The following KSR2 variants were observed in gnomAD, a reference collection of about 807,000 sequenced individuals.
The protein encoded by KSR2 is kinase suppressor of ras 2.
KSR2 carries 25 observed loss-of-function variants against 107.8 expected under a neutral mutation model. The observed-to-expected ratio is 0.23, with a 90% CI of 0.17 to 0.32. The LOEUF is 0.32. KSR2 is among the 10% of genes least tolerant of loss of function. KSR2 has a pLI of 1.00. For synonymous variants in KSR2, 480 were observed against 507.0 expected, an observed-to-expected ratio of 0.95 and a Z score of 0.71; for missense variants, 887 against 1,268.9, an observed-to-expected ratio of 0.70 and a Z score of 4.57.
intron 1 of KSR2, among the ~76,000 whole-genome samples, chr12:117,959,219 C>T (rs1896595617): frequency 6.6e-6 from 1 of 152,174 alleles, no homozygotes; most frequent in African/African-American, 2.4e-5. Context: ...CTCAGAGCTC[C>T]AAGCTCACAC....
intron 5 of KSR2, among the ~76,000 whole-genome samples, chr12:117,623,171 A>T (rs1381372383): frequency 6.6e-6 from 1 of 152,248 alleles, no homozygotes; most frequent in Non-Finnish European, 1.5e-5. Flanking sequence ...TCAGAGGTGA[A>T]TACCAGTTAA....
At chr12:117,868,811 C>T (rs1415605906) in intron 1 of KSR2, among the ~76,000 whole-genome samples, 9 of 151,830 alleles carry the variant, frequency 5.9e-5, no homozygotes, top group South Asian at 4.2e-4. Flanking sequence ...ACTGCAGTAG[C>T]GTGATCTCAG....
chr12:117,843,869 G>A (rs564372636), intron 3 of KSR2, among the ~76,000 whole-genome samples: 7 of 151,192 alleles, frequency 4.6e-5, no homozygotes, highest in African/African-American at 9.7e-5. Context: ...CCCTGAAACC[G>A]CAGGCTGCCT....
chr12:117,654,849 G>A (rs539935708), intron 5 of KSR2, among the ~76,000 whole-genome samples: 65 of 152,252 alleles, frequency 4.3e-4, no homozygotes, highest in African/African-American at 1.5e-3. Context: ...CTCTGTGGAC[G>A]CCACTCAGCC....
chr12:117,794,962 G>A (rs993085425), intron 3 of KSR2, among the ~76,000 whole-genome samples: 6 of 152,192 alleles, frequency 3.9e-5, no homozygotes, highest in African/African-American at 1.4e-4. Context: ...AGAGAACACT[G>A]CTAATGGTTT....
intron 5 of KSR2, among the ~76,000 whole-genome samples, chr12:117,590,093 G>T (rs1332368797): frequency 6.6e-6 from 1 of 152,234 alleles, no homozygotes. Flanking sequence ...TTTCAGAGAA[G>T]TTTCCTGGGG....
rs760977280 is a variant in KSR2 at position 117,898,239 on chromosome 12, CTCTGGTTTGAGAAGAGA to C, written c.181-37825_181-37809del. 2.0e-3 allele frequency among the ~76,000 whole-genome samples: 302 copies of C among 152,232 alleles called. 2 individuals carry two copies. The highest frequency in any genetic ancestry group is 2.9e-3 in the Non-Finnish European group (200 of 68,032). The stretch of plus-strand genomic sequence containing the variant: ...TAAATGCAATCACATTTCAAAAGCC[CTCTGGTTTGAGAAGAGA>C]TCAGTGAAGCATTTTGTCTTCCACT... On this transcript the variant is annotated intron_variant, in intron 1 of 19. Transcript: ENST00000339824.
At chr12:117,652,232 C>T (rs1362055861) in intron 5 of KSR2, among the ~76,000 whole-genome samples, 1 of 152,080 alleles carries the variant, frequency 6.6e-6, no homozygotes, top group Non-Finnish European at 1.5e-5. Context: ...GTGATATGTG[C>T]ATCAAAATCT....
At chr12:117,656,425 C>A (rs1176009749) in intron 5 of KSR2, among the ~76,000 whole-genome samples, 1 of 152,132 alleles carries the variant, frequency 6.6e-6, no homozygotes, top group Non-Finnish European at 1.5e-5. Flanking sequence ...GCCTGACCAA[C>A]ATGGAGAAAC....
chr12:117,880,986 T>TA (rs1894009388), intron 1 of KSR2, among the ~76,000 whole-genome samples: 2 of 151,450 alleles, frequency 1.3e-5, no homozygotes. Context: ...TTTTTTTTTT[T>TA]ATGGCAGAGT....
chr12:117,720,934 G>A (rs1251553665), intron 4 of KSR2, among the ~76,000 whole-genome samples: 2 of 152,218 alleles, frequency 1.3e-5, no homozygotes, highest in Non-Finnish European at 2.9e-5. Context: ...CTGGAAAGAG[G>A]AGAGTTGTGT....
intron 5 of KSR2, among the ~76,000 whole-genome samples, chr12:117,595,351 C>T (rs1162528538): frequency 7.3e-4 from 69 of 94,574 alleles, no homozygotes; most frequent in South Asian, 1.2e-3. Flanking sequence ...AGATCAAATT[C>T]TTTTTTTTTT....
intron 5 of KSR2, among the ~76,000 whole-genome samples, chr12:117,631,038 C>G (rs549944006): frequency 2.6e-5 from 4 of 152,134 alleles, no homozygotes; most frequent in African/African-American, 9.7e-5. Flanking sequence ...GTTGAGTAAG[C>G]CAGGCGTGCT....
intron 7 of KSR2, among the ~76,000 whole-genome samples, chr12:117,560,430 GGGA>G (rs1396001242): frequency 6.6e-6 from 1 of 151,850 alleles, no homozygotes; most frequent in Non-Finnish European, 1.5e-5. Context: ...GGAGCAAGGA[GGGA>G]CATAGGAAAT....
At chr12:117,780,618 G>A (rs1456089562) in intron 3 of KSR2, among the ~76,000 whole-genome samples, 1 of 152,116 alleles carries the variant, frequency 6.6e-6, no homozygotes, top group Non-Finnish European at 1.5e-5. Context: ...GATGGATGGT[G>A]GTGATGATTA....
chr12:117,600,095 C>G (rs1880854969), intron 5 of KSR2, among the ~76,000 whole-genome samples: 1 of 152,154 alleles, frequency 6.6e-6, no homozygotes, highest in African/African-American at 2.4e-5. Context: ...AGTGACTCAG[C>G]CTTGTACCTA....
intron 4 of KSR2, among the ~76,000 whole-genome samples, chr12:117,676,318 T>C (rs150153967): frequency 6.2e-4 from 94 of 152,356 alleles, no homozygotes; most frequent in African/African-American, 2.2e-3. Flanking sequence ...TAGCACAAGC[T>C]GCATTTCCCC....
intron 3 of KSR2, among the ~76,000 whole-genome samples, chr12:117,849,203 C>G (rs567303633): frequency 6.6e-6 from 1 of 152,120 alleles, no homozygotes; most frequent in Admixed American, 6.5e-5. Flanking sequence ...CTACCAACCC[C>G]GCTTAGCCTG....
chr12:117,604,148 G>A (rs1881102491), intron 5 of KSR2, among the ~76,000 whole-genome samples: 2 of 152,112 alleles, frequency 1.3e-5, no homozygotes, highest in East Asian at 1.9e-4. Flanking sequence ...CTGCACATGT[G>A]CACAGTTCTC....
Sources: gnomAD v4.1 joint callset for allele counts (sites outside exome capture counted in the v4.1 genomes callset) on GRCh38, gnomAD v4.1.1 for gene constraint, MANE v1.5 for transcripts, NCBI Gene and HGNC (gene_info 2026-07-23, HGNC 2026-07-21) for gene names.